EEFSEC: variants seen among roughly 807,000 people sequenced by gnomAD.
EEFSEC encodes selenocysteine-specific elongation factor.
Under a neutral mutation model 42.1 loss-of-function variants are expected in EEFSEC, and 43 were observed. The ratio of observed to expected loss-of-function variants is 1.02; its 90% CI spans 0.80 to 1.32. The LOEUF is 1.32. Ranked by LOEUF, EEFSEC falls within the 40% of genes most tolerant of loss-of-function variation. The pLI, the probability that EEFSEC is intolerant of heterozygous loss-of-function variation, is 0.00. For synonymous variants in EEFSEC, 354 were observed against 339.1 expected, an observed-to-expected ratio of 1.04 and a Z score of -0.48; for missense variants, 745 against 803.6, an observed-to-expected ratio of 0.93 and a Z score of 0.88.
chr3:128,409,357 G>C (rs1181460775), downstream of EEFSEC, among the ~76,000 whole-genome samples: 2 of 145,712 alleles, frequency 1.4e-5, no homozygotes, highest in Non-Finnish European at 2.9e-5. Context: ...TTAAGCCCCA[G>C]AGCCGTGTGT....
At chr3:128,373,177 T>C (rs1273650380) in intron 6 of EEFSEC, among the ~76,000 whole-genome samples, 1 of 152,214 alleles carries the variant, frequency 6.6e-6, no homozygotes, top group Non-Finnish European at 1.5e-5. Flanking sequence ...GCCAGGATTT[T>C]ACCCCATTTT....
chr3:128,405,085 C>T lies in EEFSEC; in HGVS notation c.1601-2984C>T, dbSNP rs9682894. ...AGGCTGGAGTGCAGTAGCGCAATCTCGGCTCACTGCAAGCTCCACCTCCCT... is the reference window on the plus strand; with the variant it reads ...AGGCTGGAGTGCAGTAGCGCAATCTTGGCTCACTGCAAGCTCCACCTCCCT... On this transcript the variant is annotated intron_variant, in intron 6 of 6. Transcript: ENST00000254730. Among the ~76,000 whole-genome samples, 1,017 of 151,172 alleles carry T rather than the reference C, an allele frequency of 6.7e-3. 18 individuals are homozygous for T. The highest frequency in any genetic ancestry group is 0.023 in the African/African-American group (944 of 41,100).
chr3:128,327,092 G>A (rs796664446), intron 4 of EEFSEC, among the ~76,000 whole-genome samples: 10 of 152,286 alleles, frequency 6.6e-5, no homozygotes, highest in African/African-American at 2.2e-4. Flanking sequence ...CTGCCCCCAC[G>A]TGTGCTCATC....
chr3:128,401,926 A>C (rs984986902), intron 6 of EEFSEC, among the ~76,000 whole-genome samples: 4 of 152,206 alleles, frequency 2.6e-5, no homozygotes, highest in Non-Finnish European at 4.4e-5. Context: ...CTTCCTGGGC[A>C]GACTCAGAGC....
At chr3:128,233,034 A>G (rs1464396063) in intron 1 of EEFSEC, among the ~76,000 whole-genome samples, 1 of 152,178 alleles carries the variant, frequency 6.6e-6, no homozygotes, top group Non-Finnish European at 1.5e-5. Context: ...CTGGCTGACG[A>G]TAAGCTGATG....
intron 6 of EEFSEC, among the ~76,000 whole-genome samples, chr3:128,389,218 G>T (rs1186515039): frequency 1.3e-5 from 2 of 152,226 alleles, no homozygotes; most frequent in Non-Finnish European, 2.9e-5. Flanking sequence ...CAGCAAGGGT[G>T]CTGACACTCA....
intron 6 of EEFSEC, among the ~76,000 whole-genome samples, chr3:128,363,408 C>T (rs1167291289): frequency 6.6e-6 from 1 of 152,238 alleles, no homozygotes; most frequent in Non-Finnish European, 1.5e-5. Flanking sequence ...CGAGACTCCC[C>T]ACACCATGAT....
intron 1 of EEFSEC, among the ~76,000 whole-genome samples, chr3:128,166,508 C>T (rs1477734157): frequency 1.3e-5 from 2 of 152,074 alleles, no homozygotes; most frequent in Non-Finnish European, 2.9e-5. Context: ...TATTTGACAG[C>T]GCAGGGCTGG....
At chr3:128,412,130 G>A (rs1247438320), downstream of EEFSEC, among the ~76,000 whole-genome samples, 1 of 152,232 alleles carries the variant, frequency 6.6e-6, no homozygotes, top group Non-Finnish European at 1.5e-5. Flanking sequence ...TGTGTAAAAT[G>A]TGCCTCAGTT....
At chr3:128,333,232 G>T (rs1433151663) in intron 4 of EEFSEC, among the ~76,000 whole-genome samples, 3 of 152,220 alleles carry the variant, frequency 2.0e-5, no homozygotes, top group African/African-American at 7.2e-5. Flanking sequence ...ACATTAGAAA[G>T]GCTGCTAAGC....
At chr3:128,281,911 G>T (rs189747432) in intron 4 of EEFSEC, among the ~76,000 whole-genome samples, 5 of 152,218 alleles carry the variant, frequency 3.3e-5, no homozygotes, top group African/African-American at 1.2e-4. Flanking sequence ...GTGGTCGTGG[G>T]ATCTGAGCAG....
intron 3 of EEFSEC, among the ~76,000 whole-genome samples, chr3:128,264,277 C>T (rs187133718): frequency 1.5e-3 from 221 of 152,302 alleles, no homozygotes; most frequent in African/African-American, 5.0e-3. Context: ...GGGAGCAATG[C>T]GACAGGGTGT....
intron 1 of EEFSEC, among the ~76,000 whole-genome samples, chr3:128,198,917 C>A (rs2065615315): frequency 6.6e-6 from 1 of 151,982 alleles, no homozygotes; most frequent in Admixed American, 6.6e-5. Flanking sequence ...CTGCAACCTC[C>A]ACCTCCCAGG....
At chr3:128,298,560 C>T (rs529948294) in intron 4 of EEFSEC, among the ~76,000 whole-genome samples, 11 of 152,306 alleles carry the variant, frequency 7.2e-5, no homozygotes, top group African/African-American at 2.4e-4. Context: ...TATCTATCAC[C>T]TCAAACATTT....
the EEFSEC span, among the ~76,000 whole-genome samples, chr3:128,419,834 C>A: frequency 1.3e-4 from 20 of 152,158 alleles, no homozygotes; most frequent in Non-Finnish European, 2.5e-4. Flanking sequence ...GGATCCCACC[C>A]TCAAAAGCCG....
chr3:128,397,190 TCCCTCCTTCCACAGGAGATGGCTG>T (rs977191169), intron 6 of EEFSEC, among the ~76,000 whole-genome samples: 1 of 152,160 alleles, frequency 6.6e-6, no homozygotes, highest in African/African-American at 2.4e-5. Context: ...CTTGCCATCC[TCCCTCCTTCCACAGGAGATGGCTG>T]CAGCCCCCTG....
At chr3:128,271,378 A>C (rs560448662) in intron 4 of EEFSEC, among the ~76,000 whole-genome samples, 1 of 152,268 alleles carries the variant, frequency 6.6e-6, no homozygotes, top group East Asian at 1.9e-4. Context: ...TTTTATCTAG[A>C]AAATATTGAG....
chr3:128,190,142 C>T (rs548272285), intron 1 of EEFSEC, among the ~76,000 whole-genome samples: 29 of 152,156 alleles, frequency 1.9e-4, no homozygotes, highest in Non-Finnish European at 3.2e-4. Context: ...GGATTACAGG[C>T]ATGAGCCACC....
At chr3:128,264,539 C>T (rs1032416502) in intron 3 of EEFSEC, 78 bp from the exon 4 acceptor site, 5 of 1,512,546 alleles carry the variant, frequency 3.3e-6, no homozygotes, top group African/African-American at 1.4e-5. Flanking sequence ...GCTGGTCAGC[C>T]ACATTCTCTG....
Sources: allele counts gnomAD v4.1 joint callset (sites outside exome capture counted in the v4.1 genomes callset), GRCh38; gene constraint gnomAD v4.1.1; transcripts MANE v1.5; gene names NCBI Gene and HGNC (gene_info 2026-07-23, HGNC 2026-07-21).